Variants in ADARB1 observed in about 807,000 individuals in gnomAD.
ADARB1 encodes double-stranded RNA-specific editase 1.
In ADARB1, 10 loss-of-function variants were observed where a neutral mutation model predicts 52.4. The ratio of observed to expected loss-of-function variants is 0.19; its 90% CI spans 0.12 to 0.32. The LOEUF is 0.32. Ranked by LOEUF, ADARB1 falls within the 10% of genes least tolerant of loss-of-function variation. The pLI is 1.00. For synonymous variants in ADARB1, 349 were observed against 371.1 expected, an observed-to-expected ratio of 0.94 and a Z score of 0.68; for missense variants, 643 against 922.3, an observed-to-expected ratio of 0.70 and a Z score of 3.92.
Position 45,220,948 on chromosome 21 carries a change from G to T in ADARB1, c.1860G>T (p.Glu620Asp). The T allele has an allele frequency of 6.2e-7, 1 of 1,613,360 alleles. No individual in the cohort carries two copies. The highest frequency in any genetic ancestry group is 8.5e-7 in the Non-Finnish European group (1 of 1,180,038). ...TCAACGCCACGACTGGGAAGGATGAGCTGGGCCGCGCGTCCCGCCTGTGTA... is the reference window on the plus strand; with the variant it reads ...TCAACGCCACGACTGGGAAGGATGATCTGGGCCGCGCGTCCCGCCTGTGTA... ...EVINATTGKD[E>D]LGRASRLCKH... The change falls in exon 10 of 11, where the codon GAG becomes GAT. Residue 620 changes from glutamate (E) to aspartate (D), a missense_variant. Glu to Asp is a conservative substitution (Grantham distance 45). Around this residue, in one of 2 missense-constraint regions of ADARB1, gnomAD observed 263 missense variants for 475.8 expected, o/e 0.55. Transcript: ENST00000348831. This position sits in a 1 kb window ranked among gnomAD's most constrained non-coding sequence, Gnocchi z 6.3.
rs2093004896 is a variant in ADARB1 at position 45,223,679 on chromosome 21, A to C, written c.*1482A>C. On this transcript the variant is annotated 3_prime_UTR_variant, in exon 11 of 11. Coordinates refer to ENST00000348831, the MANE Select transcript of ADARB1 (RefSeq NM_001112.4). ...GGGTGTTGGCACCTGTGTGTCCGTG[A>C]TGAGCCTAGGAAACCAGAGCAGGGG... The C allele has an allele frequency of 3.0e-6, 3 of 985,390 alleles. No individual in the cohort carries two copies. The highest frequency in any genetic ancestry group is 1.2e-4 in the Admixed American group (2 of 16,250). 61.0% of individuals were successfully genotyped at this position (985,390 alleles called of 1,614,324 possible). A position where few individuals can be genotyped will look rare whatever the true frequency, so the allele number is the denominator to read the frequency against.
chr21:45,133,520 C>CTT (rs2089086455), intron 2 of ADARB1: 2 of 158,854 alleles, frequency 1.3e-5, no homozygotes. Flanking sequence ...ATCCCTTCAC[C>CTT]TTTGCCTTAT....
intron 1 of ADARB1, among the ~76,000 whole-genome samples, chr21:45,077,683 A>C (rs2085998089): frequency 6.6e-6 from 1 of 151,998 alleles, no homozygotes; most frequent in Non-Finnish European, 1.5e-5. Context: ...AAAAAAGAAA[A>C]GAAAAAGAAA....
intron 1 of ADARB1, among the ~76,000 whole-genome samples, chr21:45,103,039 T>C (rs893429110): frequency 6.6e-6 from 1 of 152,164 alleles, no homozygotes; most frequent in Non-Finnish European, 1.5e-5. Flanking sequence ...AGTCCCTTCC[T>C]GTACCATGAG....
chr21:45,089,625 A>G (rs528718705), intron 1 of ADARB1, among the ~76,000 whole-genome samples: 3 of 152,202 alleles, frequency 2.0e-5, no homozygotes, highest in East Asian at 3.9e-4. Flanking sequence ...ATATTGATCT[A>G]TATGAAATTT....
At chr21:45,184,447 AAT>A (rs1569135609) in intron 7 of ADARB1, 7 of 161,772 alleles carry the variant, frequency 4.3e-5, no homozygotes, top group South Asian at 1.1e-4. Context: ...AATTTCATAT[AAT>A]TTTTTTTTTT....
chr21:45,099,829 G>A (rs1158582310), intron 1 of ADARB1, among the ~76,000 whole-genome samples: 1 of 152,126 alleles, frequency 6.6e-6, no homozygotes, highest in Non-Finnish European at 1.5e-5. Context: ...GGGCTGGCAC[G>A]TCTTGGGCTG....
chr21:45,211,775 C>T (rs760226620), intron 9 of ADARB1, among the ~76,000 whole-genome samples: 4 of 152,176 alleles, frequency 2.6e-5, no homozygotes, highest in Non-Finnish European at 4.4e-5. Flanking sequence ...TTATTGGTTT[C>T]TGTACCGCGG....
chr21:45,103,676 T>C (rs948724093), intron 1 of ADARB1, among the ~76,000 whole-genome samples: 2 of 152,136 alleles, frequency 1.3e-5, no homozygotes, highest in African/African-American at 4.8e-5. Flanking sequence ...TACTTGTCCA[T>C]GGCCCAGGGG....
In ADARB1 at chr21:45,220,585, T is replaced by C. The variant is rs2092945495; in HGVS notation, c.1748-251T>C. 6.6e-6 allele frequency among the ~76,000 whole-genome samples: 1 copy of C among 152,232 alleles called. No homozygotes were observed. The highest frequency in any genetic ancestry group is 1.5e-5 in the Non-Finnish European group (1 of 68,040). On this transcript the variant is annotated intron_variant, in intron 9 of 10. Coordinates refer to ENST00000348831, the MANE Select transcript of ADARB1 (RefSeq NM_001112.4). The surrounding 1 kb of genome is among the most constrained non-coding windows in gnomAD (Gnocchi z 6.3). The stretch of plus-strand genomic sequence containing the variant: ...CTGTCAATCTTCTGCCCACCTGCCC[T>C]GTCAGACAAGTGCATACCCGTGGGT...
At position 45,222,876 on chromosome 21, in the gene ADARB1, G is replaced by C. The variant is rs750065691; in HGVS notation, c.*679G>C. ...CACATGGGGTCCCGCAGCAGTGACT[G>C]TGTGTCCTGCAGAGGCGTGACCCAG... On this transcript the variant is annotated 3_prime_UTR_variant, in exon 11 of 11. Transcript: ENST00000348831. 2.0e-6 allele frequency: 2 copies of C among 985,478 alleles called. No individual in the cohort carries two copies. Among genetic ancestry groups the C allele is most frequent in the Non-Finnish European group, 2.4e-6 (2 of 829,944 alleles). The allele number at this position is 985,478 out of a possible 1,614,324, so 61.0% of individuals were successfully genotyped here.
chr21:45,213,657 G>A lies in ADARB1; in HGVS notation c.1748-7179G>A, dbSNP rs114805224. 8.4e-3 allele frequency among the ~76,000 whole-genome samples: 1,277 copies of A among 152,270 alleles called. 17 individuals are homozygous for A. Among genetic ancestry groups the A allele is most frequent in the African/African-American group, 0.029 (1,218 of 41,554 alleles). On this transcript the variant is annotated intron_variant, in intron 9 of 10. Transcript: ENST00000348831. ...TAAATGTCATCATAAGGTTTGCACC[G>A]TTTTGGTCTAGCTTATTTCACTCAG...
intron 5 of ADARB1, among the ~76,000 whole-genome samples, chr21:45,181,098 C>T (rs1046737011): frequency 2.0e-5 from 3 of 152,168 alleles, no homozygotes; most frequent in Non-Finnish European, 2.9e-5. Flanking sequence ...CATGTGGGGC[C>T]GTCTCTGTAC....
chr21:45,149,036 T>C (rs1569071296), intron 2 of ADARB1, among the ~76,000 whole-genome samples: 1 of 152,268 alleles, frequency 6.6e-6, no homozygotes, highest in South Asian at 2.1e-4. Context: ...TTCAAAGACA[T>C]CACCTCAGCG....
chr21:45,162,258 A>G (rs568568790), intron 2 of ADARB1, among the ~76,000 whole-genome samples: 20 of 152,282 alleles, frequency 1.3e-4, no homozygotes, highest in African/African-American at 4.8e-4. Flanking sequence ...GGTTTCAGCC[A>G]TGGAAGCTGT....
At chr21:45,097,465 A>T (rs1389330506) in intron 1 of ADARB1, among the ~76,000 whole-genome samples, 2 of 151,520 alleles carry the variant, frequency 1.3e-5, no homozygotes, top group South Asian at 4.2e-4. Context: ...GGAGGTGGGA[A>T]GCCATTGTGG....
At position 45,220,958 on chromosome 21, in the gene ADARB1, G is replaced by C. The variant is rs145150920; in HGVS notation, c.1870G>C (p.Ala624Pro). The change falls in exon 10 of 11, where the codon GCG becomes CCG. Residue 624 changes from alanine to proline, a missense_variant. Ala to Pro is a conservative substitution (Grantham distance 27). Coordinates refer to ENST00000348831, the MANE Select transcript of ADARB1 (RefSeq NM_001112.4). This position sits in a 1 kb window ranked among gnomAD's most constrained non-coding sequence, Gnocchi z 6.3. ...GACTGGGAAGGATGAGCTGGGCCGC[G>C]CGTCCCGCCTGTGTAAGCACGCGTT... The part of the protein sequence containing the change: ...ATTGKDELGR[A>P]SRLCKHALYC... The C allele has an allele frequency of 1.2e-6, 2 of 1,613,132 alleles. No homozygotes were observed. Among genetic ancestry groups the C allele is most frequent in the African/African-American group, 2.7e-5 (2 of 74,944 alleles).
In ADARB1 at chr21:45,223,005, A is replaced by T; in HGVS notation, c.*808A>T. On this transcript the variant is annotated 3_prime_UTR_variant, in exon 11 of 11. Transcript: ENST00000348831. ...ACTTCTAAGTAATCACAGATAATACATGGCCAGTAATCCCAGGCTGGCCAT... is the reference window on the plus strand; with the variant it reads ...ACTTCTAAGTAATCACAGATAATACTTGGCCAGTAATCCCAGGCTGGCCAT... 1 of 985,464 alleles carries T rather than the reference A, an allele frequency of 1.0e-6. No homozygotes were observed. The highest frequency in any genetic ancestry group is 1.2e-6 in the Non-Finnish European group (1 of 829,924). The allele number at this position is 985,464 out of a possible 1,614,324, so 61.0% of individuals were successfully genotyped here.
chr21:45,153,021 C>T (rs1306163300), intron 2 of ADARB1, among the ~76,000 whole-genome samples: 1 of 152,184 alleles, frequency 6.6e-6, no homozygotes, highest in Non-Finnish European at 1.5e-5. Flanking sequence ...AAAGGTTTTT[C>T]TCCCAGAGAC....
Sources: allele counts gnomAD v4.1 joint callset (sites outside exome capture counted in the v4.1 genomes callset), GRCh38; gene constraint gnomAD v4.1.1; regional missense constraint gnomAD v4.1.1; non-coding constraint Gnocchi (gnomAD v3.1); transcripts MANE v1.5; gene names NCBI Gene and HGNC (gene_info 2026-07-23, HGNC 2026-07-21).